The following TANC2 variants were observed in gnomAD, a reference collection of about 807,000 sequenced individuals.
TANC2 encodes the protein protein TANC2.
A neutral mutation model predicts 210.5 loss-of-function variants in TANC2; 26 were observed. The observed-to-expected ratio is 0.12, with a 90% confidence interval of 0.09 to 0.17. The LOEUF (loss-of-function observed/expected upper bound fraction) is 0.17. TANC2 is among the 10% of genes least tolerant of loss of function. TANC2 has a pLI of 1.00. For synonymous variants in TANC2, 931 were observed against 967.1 expected (o/e 0.96, Z 0.69); for missense variants, 2,129 against 2,608.9 (o/e 0.82, Z 4.01).
chr17:63,123,558 CA>C (rs560638545), intron 4 of TANC2, among the ~76,000 whole-genome samples: 5,716 of 99,784 alleles, frequency 0.057, 343 homozygotes, highest in African/African-American at 0.2. Context: ...GATTCTGTCT[CA>C]AAAAAAAAAA....
intron 7 of TANC2, among the ~76,000 whole-genome samples, chr17:63,221,506 A>G (rs1214129333): frequency 6.6e-6 from 1 of 152,038 alleles, no homozygotes; most frequent in African/African-American, 2.4e-5. Context: ...AAAATTTTTC[A>G]AACACTTATC....
chr17:63,243,243 G>T (rs2042824075), intron 8 of TANC2, among the ~76,000 whole-genome samples: 2 of 152,162 alleles, frequency 1.3e-5, no homozygotes, highest in African/African-American at 4.8e-5. Flanking sequence ...TACATTGATG[G>T]TGGGAGTATG....
intron 1 of TANC2, among the ~76,000 whole-genome samples, chr17:62,974,622 T>G (rs1339406202): frequency 6.6e-6 from 1 of 152,228 alleles, no homozygotes; most frequent in Non-Finnish European, 1.5e-5. Flanking sequence ...GATGGAAATT[T>G]CATATTCTTC....
rs963353097 is a variant in TANC2, at chr17:63,133,187, T to C, written c.323-18083T>C. Among the ~76,000 whole-genome samples, 15 of 151,988 alleles carry C rather than the reference T, an allele frequency of 9.9e-5. No homozygotes were observed. The East Asian group carries it at 2.9e-3, about 30-fold the overall frequency. On this transcript the variant is annotated intron_variant, in intron 4 of 27. Transcript: ENST00000689528. ...CTGGGTTTCACCATATTGGCCAGGC[T>C]GGTCTCAAACTCATGATCTTGTGAT...
At chr17:62,981,640 C>T (rs1237802570) in intron 1 of TANC2, among the ~76,000 whole-genome samples, 1 of 152,072 alleles carries the variant, frequency 6.6e-6, no homozygotes, top group Non-Finnish European at 1.5e-5. Flanking sequence ...TGAATTAGGC[C>T]AGACTTCACA....
chr17:63,184,014 C>CAAAAAAAAAAAAAAA (rs570141267), intron 5 of TANC2, among the ~76,000 whole-genome samples: 2 of 117,720 alleles, frequency 1.7e-5, no homozygotes, highest in African/African-American at 6.3e-5. Flanking sequence ...GACTCCGTCT[C>CAAAAAAAAAAAAAAA]AAAAAAAAAA....
chr17:63,008,506 A>T (rs938714794), intron 1 of TANC2, among the ~76,000 whole-genome samples: 17 of 152,290 alleles, frequency 1.1e-4, no homozygotes, highest in African/African-American at 4.1e-4. Flanking sequence ...GAGAAGAGTG[A>T]GGATATAAGA....
At chr17:63,199,423 A>G (rs1368097927) in intron 6 of TANC2, among the ~76,000 whole-genome samples, 1 of 152,076 alleles carries the variant, frequency 6.6e-6, no homozygotes, top group Non-Finnish European at 1.5e-5. Flanking sequence ...GTTCAAGACC[A>G]GCTTGGCCAA....
chr17:63,412,316 C>G lies in TANC2; in HGVS notation c.3898+186C>G, dbSNP rs1209017803. ...CGCCATCTGAGCCATGGTCTGCAGT[C>G]CCCTGTGTCCAGAACCACGTGGTTC... On this transcript the variant is annotated intron_variant, in intron 23 of 27. Coordinates refer to ENST00000689528, the Ensembl canonical transcript of TANC2. The surrounding 1 kb of genome is among the most constrained non-coding windows in gnomAD (Gnocchi z 4.2). 6.6e-6 allele frequency among the ~76,000 whole-genome samples: 1 copy of G among 152,186 alleles called. No individual in the cohort carries two copies. Among genetic ancestry groups the G allele is most frequent in the Admixed American group, 6.5e-5 (1 of 15,278 alleles).
intron 26 of TANC2, among the ~76,000 whole-genome samples, chr17:63,417,745 G>A (rs1410614679): frequency 1.3e-5 from 2 of 152,152 alleles, no homozygotes; most frequent in Non-Finnish European, 2.9e-5. Flanking sequence ...ACACTTGGGG[G>A]TTATGAAGCT....
chr17:63,224,422 T>G (rs763777564), intron 7 of TANC2, among the ~76,000 whole-genome samples: 8 of 152,090 alleles, frequency 5.3e-5, no homozygotes, highest in African/African-American at 9.7e-5. Flanking sequence ...CAGCTAATTT[T>G]TGCATTTTTA....
intron 7 of TANC2, among the ~76,000 whole-genome samples, chr17:63,227,640 A>G (rs1482910587): frequency 1.3e-5 from 2 of 152,044 alleles, no homozygotes; most frequent in Admixed American, 6.6e-5. Context: ...TTTGGCTTTT[A>G]TTGCAATTGC....
chr17:63,021,439 G>A lies in TANC2; in HGVS notation c.67+11813G>A, dbSNP rs1227250339. Among the ~76,000 whole-genome samples, 5 of 152,104 alleles carry A rather than the reference G, an allele frequency of 3.3e-5. No homozygotes were observed. The East Asian group carries it at 9.6e-4, about 29-fold the overall frequency. On this transcript the variant is annotated intron_variant, in intron 2 of 27. Transcript: ENST00000689528. ...TGTGAGAGCTGGTTGTTATAAAGCA[G>A]GTCAGCCTCCTTTTTCCCCTGTCTC...
At chr17:63,352,489 C>A (rs1248636134) in intron 13 of TANC2, among the ~76,000 whole-genome samples, 1 of 151,976 alleles carries the variant, frequency 6.6e-6, no homozygotes, top group Non-Finnish European at 1.5e-5. Flanking sequence ...ATTATATAAC[C>A]TATCATTATT....
At chr17:63,218,963 G>A (rs1162139980) in intron 7 of TANC2, among the ~76,000 whole-genome samples, 4 of 151,902 alleles carry the variant, frequency 2.6e-5, no homozygotes, top group East Asian at 3.9e-4. Context: ...AAAAAGTATT[G>A]TATTTCTCTG....
chr17:63,385,945 T>A (rs1238133075), intron 15 of TANC2, among the ~76,000 whole-genome samples: 1 of 152,206 alleles, frequency 6.6e-6, no homozygotes, highest in Non-Finnish European at 1.5e-5. Flanking sequence ...TGGCTCATGC[T>A]CTTAGGATAG....
chr17:63,352,179 C>T lies in TANC2; in HGVS notation c.1974+763C>T, dbSNP rs192543606. 8.5e-5 allele frequency among the ~76,000 whole-genome samples: 13 copies of T among 152,162 alleles called. No individual in the cohort carries two copies. In the East Asian group the frequency reaches 2.1e-3, roughly 25 times the overall value. ...ATTCTTTTTATAAAAATTATTTCCTCCTATGATGAATATTAAAATCTCAAA... is the reference window on the plus strand; with the variant it reads ...ATTCTTTTTATAAAAATTATTTCCTTCTATGATGAATATTAAAATCTCAAA... On this transcript the variant is annotated intron_variant, in intron 13 of 27. Transcript: ENST00000689528.
exon 28 of TANC2, chr17:63,425,107 GCTGTTGTAT>G (rs1035143425): frequency 2.3e-5 from 2 of 87,430 alleles, no homozygotes; most frequent in Non-Finnish European, 2.6e-5. Flanking sequence ...TTTTGTATCT[GCTGTTGTAT>G]CTTGTCCGGG....
intron 4 of TANC2, chr17:63,125,234 T>G (rs2038662373): frequency 6.6e-6 from 1 of 152,172 alleles, no homozygotes; most frequent in Non-Finnish European, 1.5e-5. Context: ...ACAACTCCCT[T>G]AGGATTTGTA....
Sources: gnomAD v4.1 joint callset for allele counts (sites outside exome capture counted in the v4.1 genomes callset) on GRCh38, gnomAD v4.1.1 for gene constraint, Gnocchi (gnomAD v3.1) non-coding constraint, MANE v1.5 for transcripts, NCBI Gene and HGNC (gene_info 2026-07-23, HGNC 2026-07-21) for gene names.